The following GALNT7 variants were observed in gnomAD, a reference collection of about 807,000 sequenced individuals.
GALNT7 encodes polypeptide N-acetylgalactosaminyltransferase 7.
Under a neutral mutation model 82.1 loss-of-function variants are expected in GALNT7, and 60 were observed. That is an observed-to-expected ratio of 0.73 (90% CI 0.59 to 0.91). The LOEUF is 0.91. Ranked by LOEUF, GALNT7 falls within the 40% of genes least tolerant of loss-of-function variation. The pLI, the probability that GALNT7 is intolerant of heterozygous loss-of-function variation, is 0.00. For missense variants in GALNT7, 660 were observed against 804.2 expected (o/e 0.82, Z 2.17); for synonymous variants, 243 against 275.1 (o/e 0.88, Z 1.15).
intron 6 of GALNT7, among the ~76,000 whole-genome samples, chr4:173,300,529 A>C (rs1178010236): frequency 6.6e-6 from 1 of 152,022 alleles, no homozygotes; most frequent in Admixed American, 6.6e-5. Flanking sequence ...AAGGAGAAGG[A>C]ACATTTCAGG....
chr4:173,310,500 G>C (rs921350483), intron 8 of GALNT7, among the ~76,000 whole-genome samples: 1 of 152,084 alleles, frequency 6.6e-6, no homozygotes, highest in African/African-American at 2.4e-5. Context: ...CGGTGTCATT[G>C]ATCTGAAAAT....
chr4:173,170,204 T>TGGGGGTAGGA (rs910253016), intron 1 of GALNT7, among the ~76,000 whole-genome samples: 1 of 151,838 alleles, frequency 6.6e-6, no homozygotes, highest in African/African-American at 2.4e-5. Flanking sequence ...CGGCTGCCAG[T>TGGGGGTAGGA]GGGGGTAGGA....
intron 9 of GALNT7, 75 bp downstream of exon 9, chr4:173,314,251 TAA>T: frequency 2.0e-6 from 2 of 990,276 alleles, no homozygotes; most frequent in South Asian, 2.6e-5. Context: ...TGGAAATATG[TAA>T]GAGGGAAGTA....
chr4:173,240,271 T>C (rs1734378922), intron 1 of GALNT7, among the ~76,000 whole-genome samples: 1 of 151,932 alleles, frequency 6.6e-6, no homozygotes, highest in Non-Finnish European at 1.5e-5. Flanking sequence ...TCACTCACAA[T>C]GTCCAATGAT....
chr4:173,181,664 AGAGT>A (rs1732254379), intron 1 of GALNT7, among the ~76,000 whole-genome samples: 1 of 152,240 alleles, frequency 6.6e-6, no homozygotes, highest in Non-Finnish European at 1.5e-5. Context: ...AAAATTTTGA[AGAGT>A]GGAATCACCT....
At chr4:173,316,153 C>G (rs1179221067) in intron 9 of GALNT7, 1 of 152,548 alleles carries the variant, frequency 6.6e-6, no homozygotes. Flanking sequence ...TCCACAACAT[C>G]TGTCCCCATT....
chr4:173,228,965 G>A (rs1197997285), intron 1 of GALNT7, among the ~76,000 whole-genome samples: 1 of 152,182 alleles, frequency 6.6e-6, no homozygotes, highest in Non-Finnish European at 1.5e-5. Flanking sequence ...CATGCCTTAG[G>A]CAGTGGAAAG....
At chr4:173,232,576 A>G (rs1734064564) in intron 1 of GALNT7, among the ~76,000 whole-genome samples, 1 of 151,800 alleles carries the variant, frequency 6.6e-6, no homozygotes, top group African/African-American at 2.4e-5. Context: ...GGGACTACAG[A>G]CACACACCAC....
intron 1 of GALNT7, among the ~76,000 whole-genome samples, chr4:173,213,167 G>C (rs1395365387): frequency 6.6e-6 from 1 of 152,096 alleles, no homozygotes; most frequent in Non-Finnish European, 1.5e-5. Context: ...TGTATTCTTA[G>C]TGGTCAAGAC....
chr4:173,284,421 C>A (rs1411096839), intron 2 of GALNT7, among the ~76,000 whole-genome samples: 1 of 152,120 alleles, frequency 6.6e-6, no homozygotes, highest in Non-Finnish European at 1.5e-5. Flanking sequence ...CTTAGACATC[C>A]CATACAATTT....
rs1737001921 is a variant in GALNT7, at chr4:173,302,944, C to G, written c.1266+780C>G. ...TCGGCCAGGCGCTCATGCCTATAAA[C>G]CCATCACTTTGGGAGGCCAACATGG... On this transcript the variant is annotated intron_variant, in intron 7 of 11. Transcript: ENST00000265000. This position sits in a 1 kb window ranked among gnomAD's most constrained non-coding sequence, Gnocchi z 4.2. Among the ~76,000 whole-genome samples the G allele has an allele frequency of 6.6e-6, 1 of 152,222 alleles. No homozygotes were observed. The highest frequency in any genetic ancestry group is 2.4e-5 in the African/African-American group (1 of 41,466).
intron 8 of GALNT7, among the ~76,000 whole-genome samples, chr4:173,307,227 G>A (rs1737191603): frequency 6.6e-6 from 1 of 152,258 alleles, no homozygotes; most frequent in African/African-American, 2.4e-5. Flanking sequence ...ACTTGCAGCG[G>A]CAGTGGCCCT....
chr4:173,197,183 ACCT>A (rs1732805589), intron 1 of GALNT7, among the ~76,000 whole-genome samples: 1 of 151,752 alleles, frequency 6.6e-6, no homozygotes, highest in Non-Finnish European at 1.5e-5. Flanking sequence ...CTGGAAAGTA[ACCT>A]CAGACTTCCA....
At chr4:173,279,473 C>T (rs1736032885) in intron 2 of GALNT7, among the ~76,000 whole-genome samples, 3 of 152,158 alleles carry the variant, frequency 2.0e-5, no homozygotes. Flanking sequence ...AACATCCAAA[C>T]TATATCAAGT....
chr4:173,282,034 C>A (rs1021174450), intron 2 of GALNT7, among the ~76,000 whole-genome samples: 1 of 152,114 alleles, frequency 6.6e-6, no homozygotes, highest in Non-Finnish European at 1.5e-5. Flanking sequence ...CACTTCGCAG[C>A]GGAGAGGGGA....
At chr4:173,214,143 A>G (rs1038364949) in intron 1 of GALNT7, among the ~76,000 whole-genome samples, 7 of 152,166 alleles carry the variant, frequency 4.6e-5, no homozygotes, top group South Asian at 2.1e-4. Context: ...CAGTGTTGTT[A>G]TTATTATTTT....
intron 1 of GALNT7, among the ~76,000 whole-genome samples, chr4:173,233,165 C>T (rs933251673): frequency 6.6e-6 from 1 of 152,160 alleles, no homozygotes; most frequent in Non-Finnish European, 1.5e-5. Context: ...GATTCTGTAT[C>T]TTGGCTATTG....
At chr4:173,228,298 C>G (rs1335633707) in intron 1 of GALNT7, among the ~76,000 whole-genome samples, 3 of 148,562 alleles carry the variant, frequency 2.0e-5, no homozygotes, top group African/African-American at 7.3e-5. Context: ...TTCTTCTAGT[C>G]ATTTCTATGC....
intron 2 of GALNT7, among the ~76,000 whole-genome samples, chr4:173,253,699 G>A (rs1734925982): frequency 6.6e-6 from 1 of 152,146 alleles, no homozygotes; most frequent in African/African-American, 2.4e-5. Flanking sequence ...GAGGAGTGGT[G>A]CCATTAACAG....
Sources: allele counts gnomAD v4.1 joint callset (sites outside exome capture counted in the v4.1 genomes callset), GRCh38; gene constraint gnomAD v4.1.1; non-coding constraint Gnocchi (gnomAD v3.1); transcripts MANE v1.5; gene names NCBI Gene and HGNC (gene_info 2026-07-23, HGNC 2026-07-21).